The following PXK variants were observed in gnomAD, a reference collection of about 807,000 sequenced individuals.
The protein encoded by PXK is PX domain-containing protein kinase-like protein.
Under a neutral mutation model 84.7 loss-of-function variants are expected in PXK, and 35 were observed. The ratio of observed to expected loss-of-function variants is 0.41; its 90% CI spans 0.32 to 0.55. The LOEUF (loss-of-function observed/expected upper bound fraction) is 0.55. Among genes scored for constraint, PXK ranks in the 20% least tolerant of loss-of-function variants. The pLI is 0.21. For synonymous variants in PXK, 253 were observed against 260.8 expected (o/e 0.97, Z 0.29); for missense variants, 634 against 699.7 (o/e 0.91, Z 1.06).
Position 58,421,254 on chromosome 3 carries a change from C to T in PXK, c.1529-3498C>T, listed in dbSNP as rs1456954423. 1 of 985,210 alleles carries T rather than the reference C, an allele frequency of 1.0e-6. No individual in the cohort carries two copies. Among genetic ancestry groups the T allele is most frequent in the East Asian group, 1.1e-4 (1 of 8,824 alleles). The allele number at this position is 985,210 out of a possible 1,614,324, so 61.0% of individuals were successfully genotyped here. A position where few individuals can be genotyped will look rare whatever the true frequency, so the allele number is the denominator to read the frequency against. ...TCAGAATTAGAGAGACTGTAGATTA[C>T]CCACTGCTGGCTGCTAACATGGGCC... On this transcript the variant is annotated intron_variant, in intron 17 of 17. Transcript: ENST00000356151. The surrounding 1 kb of genome is among the most constrained non-coding windows in gnomAD (Gnocchi z 5.5).
chr3:58,332,918 G>C lies in PXK; in HGVS notation c.-71G>C. ...TTGACAGCGGCGGCGGTGGAACCGG[G>C]CGGGCGGCGGGAGTCGGCGCCTCGG... On this transcript the variant is annotated 5_prime_UTR_variant, in exon 1 of 18. Transcript: ENST00000356151. This position sits in a 1 kb window ranked among gnomAD's most constrained non-coding sequence, Gnocchi z 5.6. 1.0e-6 allele frequency: 1 copy of C among 1,004,438 alleles called. No homozygotes were observed. The highest frequency in any genetic ancestry group is 1.3e-6 in the Non-Finnish European group (1 of 781,096). 62.2% of individuals were successfully genotyped at this position (1,004,438 alleles called of 1,614,324 possible). A position where few individuals can be genotyped will look rare whatever the true frequency, so the allele number is the denominator to read the frequency against.
intron 17 of PXK, chr3:58,422,773 C>A: frequency 7.1e-6 from 7 of 985,430 alleles, no homozygotes; most frequent in Non-Finnish European, 7.2e-6. Context: ...CTCCAGCCCC[C>A]CAAAATCCTT....
chr3:58,395,028 A>T lies in PXK; in HGVS notation c.646A>T (p.Thr216Ser), dbSNP rs757516704. ...TTACATCTATCGGGTTACCTTTGCC[A>T]CAGCTAATGAATCCTCAGCGTTGCT... ...HPYIYRVTFA[T>S]ANESSALLIR... The change falls in exon 8 of 18, where the codon ACA becomes TCA. Residue 216 changes from threonine (T) to serine (S), a missense_variant. This residue lies in a region of PXK where 353 missense variants were observed against 385.2 expected (regional missense o/e 0.92). Coordinates refer to ENST00000356151, the MANE Select transcript of PXK (RefSeq NM_017771.5). 11 of 1,613,484 alleles carry T rather than the reference A, an allele frequency of 6.8e-6. No homozygotes were observed. Among genetic ancestry groups the T allele is most frequent in the Non-Finnish European group, 8.5e-6 (10 of 1,179,532 alleles).
chr3:58,392,649 C>G (rs1184252399), intron 7 of PXK, among the ~76,000 whole-genome samples: 1 of 141,646 alleles, frequency 7.1e-6, no homozygotes, highest in Non-Finnish European at 1.5e-5. Flanking sequence ...GCTGTCAGGA[C>G]CTAGTTCTAA....
In PXK at chr3:58,424,562, A is replaced by C. The variant is rs139768419; in HGVS notation, c.1529-190A>C. Among the ~76,000 whole-genome samples the C allele has an allele frequency of 3.9e-4, 59 of 152,316 alleles. No homozygotes were observed. In the East Asian group the frequency reaches 0.011, roughly 28 times the overall value. On this transcript the variant is annotated intron_variant, in intron 17 of 17. Transcript: ENST00000356151. ...TGACTATTGTTTGAGAAACATGGCA[A>C]CTTTTAATTCCCCTTTGATGCTTCT...
chr3:58,409,736 A>G lies in PXK; in HGVS notation c.1395+118A>G. ...CTGTGCTATATCTCCTTGAAAGCTA[A>G]GACTATTTCCAGATGACTGGGGTGC... On this transcript the variant is annotated intron_variant, in intron 15 of 17. Coordinates refer to ENST00000356151, the MANE Select transcript of PXK (RefSeq NM_017771.5). The surrounding 1 kb of genome is among the most constrained non-coding windows in gnomAD (Gnocchi z 4.2). The G allele has an allele frequency of 1.2e-6, 1 of 839,184 alleles. No individual in the cohort carries two copies. Among genetic ancestry groups the G allele is most frequent in the East Asian group, 2.7e-5 (1 of 36,786 alleles). The allele number at this position is 839,184 out of a possible 1,614,324, so 52.0% of individuals were successfully genotyped here. A position where few individuals can be genotyped will look rare whatever the true frequency, so the allele number is the denominator to read the frequency against.
intron 1 of PXK, among the ~76,000 whole-genome samples, chr3:58,345,044 G>T (rs1003402028): frequency 6.6e-6 from 1 of 152,168 alleles, no homozygotes. Context: ...AGTCTTCTGC[G>T]TGCCAGGCAC....
intron 3 of PXK, among the ~76,000 whole-genome samples, chr3:58,377,237 C>G (rs769110009): frequency 1.3e-5 from 2 of 151,658 alleles, no homozygotes; most frequent in Non-Finnish European, 2.9e-5. Flanking sequence ...TTCATCTTGT[C>G]CAGTATCAAG....
chr3:58,342,724 A>G (rs1324035453), intron 1 of PXK, among the ~76,000 whole-genome samples: 1 of 152,132 alleles, frequency 6.6e-6, no homozygotes, highest in Non-Finnish European at 1.5e-5. Context: ...TTGGTGAAAT[A>G]TGTGCATCTG....
intron 1 of PXK, among the ~76,000 whole-genome samples, chr3:58,335,601 C>T (rs999067994): frequency 7.2e-6 from 1 of 139,478 alleles, no homozygotes; most frequent in Non-Finnish European, 1.5e-5. Context: ...GATGGTGTTC[C>T]AGAAGTCAGA....
intron 1 of PXK, among the ~76,000 whole-genome samples, chr3:58,363,473 C>T (rs1352048859): frequency 6.6e-6 from 1 of 152,100 alleles, no homozygotes; most frequent in Non-Finnish European, 1.5e-5. Context: ...CAGGCATGTG[C>T]CACTATGCCT....
intron 3 of PXK, among the ~76,000 whole-genome samples, chr3:58,375,870 T>A (rs1301131546): frequency 6.6e-6 from 1 of 152,224 alleles, no homozygotes; most frequent in African/African-American, 2.4e-5. Flanking sequence ...TTCCATTTCT[T>A]CTGGATTCTT....
At chr3:58,418,305 G>C (rs2061305772) in intron 17 of PXK, among the ~76,000 whole-genome samples, 2 of 152,170 alleles carry the variant, frequency 1.3e-5, no homozygotes, top group Admixed American at 6.5e-5. Flanking sequence ...AGTGTGAGTG[G>C]ACTCCAGCTT....
In PXK at chr3:58,425,191, G is replaced by A. The variant is rs1052188195; in HGVS notation, c.*231G>A. On this transcript the variant is annotated 3_prime_UTR_variant, in exon 18 of 18. Transcript: ENST00000356151. Reference sequence around the variant, plus strand: ...CTTGCTCCTTTATTAACCCTGTAAAGGAGTCTTGTTTATCCTCTAATGGCC... The same window carrying A: ...CTTGCTCCTTTATTAACCCTGTAAAAGAGTCTTGTTTATCCTCTAATGGCC... 1.2e-5 allele frequency: 7 copies of A among 572,356 alleles called. No individual in the cohort carries two copies. Among genetic ancestry groups the A allele is most frequent in the Non-Finnish European group, 2.1e-5 (7 of 340,388 alleles). 35.5% of individuals were successfully genotyped at this position (572,356 alleles called of 1,614,324 possible).
At chr3:58,384,560 A>C (rs2098535143) in intron 4 of PXK, among the ~76,000 whole-genome samples, 1 of 152,192 alleles carries the variant, frequency 6.6e-6, no homozygotes, top group African/African-American at 2.4e-5. Flanking sequence ...GAATTCTGTC[A>C]AAGTAGCATC....
In PXK at chr3:58,398,387, G is replaced by A. The variant is rs773409161; in HGVS notation, c.1102+665G>A. 6.6e-6 allele frequency among the ~76,000 whole-genome samples: 1 copy of A among 152,166 alleles called. No individual in the cohort carries two copies. The highest frequency in any genetic ancestry group is 1.5e-5 in the Non-Finnish European group (1 of 68,022). ...TGCGCCACTGCACTCCAGCCTGGGC[G>A]ACACAGTAAGACTCTGCCTCAAACG... On this transcript the variant is annotated intron_variant, in intron 11 of 17. Coordinates refer to ENST00000356151, the MANE Select transcript of PXK (RefSeq NM_017771.5). This position sits in a 1 kb window ranked among gnomAD's most constrained non-coding sequence, Gnocchi z 4.5.
At chr3:58,365,785 CT>C (rs2098261255) in intron 1 of PXK, 88 bp from the exon 2 acceptor site, 2 of 1,093,882 alleles carry the variant, frequency 1.8e-6, no homozygotes, top group Non-Finnish European at 2.6e-6. Flanking sequence ...TCTACTTTAT[CT>C]GATTTTTTAA....
At chr3:58,346,521 A>G (rs1444086009) in intron 1 of PXK, among the ~76,000 whole-genome samples, 1 of 152,142 alleles carries the variant, frequency 6.6e-6, no homozygotes, top group Admixed American at 6.6e-5. Flanking sequence ...CAGGAAGATG[A>G]TGAGTCTGTT....
chr3:58,363,317 C>T (rs1377653880), intron 1 of PXK, among the ~76,000 whole-genome samples: 1 of 152,032 alleles, frequency 6.6e-6, no homozygotes, highest in African/African-American at 2.4e-5. Flanking sequence ...TACTTGTATT[C>T]TGTGGCCTTG....
Sources: allele counts gnomAD v4.1 joint callset (sites outside exome capture counted in the v4.1 genomes callset), GRCh38; gene constraint gnomAD v4.1.1; regional missense constraint gnomAD v4.1.1; non-coding constraint Gnocchi (gnomAD v3.1); transcripts MANE v1.5; gene names NCBI Gene and HGNC (gene_info 2026-07-23, HGNC 2026-07-21).